Variants in ADGRL1 observed in about 807,000 individuals in gnomAD.
The protein encoded by ADGRL1 is CIRL-1.
In ADGRL1, 31 loss-of-function variants were observed where a neutral mutation model predicts 148.9. The observed-to-expected ratio is 0.21, with a 90% CI of 0.16 to 0.28. The LOEUF is 0.28. Among genes scored for constraint, ADGRL1 ranks in the 10% least tolerant of loss-of-function variants. The probability of loss-of-function intolerance (pLI) is 1.00; values close to 1 mark genes in which losing one functional copy is unlikely to be tolerated. For synonymous variants in ADGRL1, 937 were observed against 900.3 expected (o/e 1.04, Z -0.73); for missense variants, 1,521 against 2,058.8 (o/e 0.74, Z 5.05).
At position 14,151,140 on chromosome 19, in the gene ADGRL1, G is replaced by A. The variant is rs752456011; in HGVS notation, c.4143C>T (p.Ala1381=). Residue 1381 remains alanine, a synonymous_variant, in exon 23 of 23, where the codon GCC becomes GCT. Transcript: ENST00000361434. ...GTGAGTCCCGCAGGTTGGCCCCGCT[G>A]GCATAGAGGGAGTCCCGGCCAGGAG... ...SSPPGRDSLY[A]SGANLRDSPS... 3.8e-6 allele frequency: 6 copies of A among 1,597,738 alleles called. No homozygotes were observed. The highest frequency in any genetic ancestry group is 5.1e-6 in the Non-Finnish European group (6 of 1,173,762).
chr19:14,150,964 C>T lies in ADGRL1; in HGVS notation c.4319G>A (p.Arg1440His), dbSNP rs766671412. The change falls in exon 23 of 23, where the codon CGT (arginine) becomes CAT (histidine). Residue 1440 changes from arginine to histidine, a missense_variant. By Grantham distance (29) the Arg-to-His change is conservative. This residue lies in a region of ADGRL1 where 390 missense variants were observed against 375.0 expected (regional missense o/e 1.04). Transcript: ENST00000361434. ...NPLQGYYQVR[R>H]PSHEGYLAAP... ...TGCCAGGTAGCCCTCGTGGCTAGGACGCCGCACCTGGTAGTAGCCCTGCAG... is the reference window on the plus strand; with the variant it reads ...TGCCAGGTAGCCCTCGTGGCTAGGATGCCGCACCTGGTAGTAGCCCTGCAG... 4.4e-6 allele frequency: 7 copies of T among 1,604,442 alleles called. No homozygotes were observed. Among genetic ancestry groups the T allele is most frequent in the Non-Finnish European group, 5.1e-6 (6 of 1,176,460 alleles).
chr19:14,199,719 G>A (rs1026595951), intron 1 of ADGRL1, among the ~76,000 whole-genome samples: 6 of 151,926 alleles, frequency 3.9e-5, no homozygotes, highest in African/African-American at 1.5e-4. Flanking sequence ...GTGCCCGGCT[G>A]TTGCAATTTT....
chr19:14,161,671 A>G lies in ADGRL1; in HGVS notation c.1196-45T>C, dbSNP rs1425300685. On this transcript the variant is annotated intron_variant, in intron 5 of 22. Transcript: ENST00000361434. This position sits in a 1 kb window ranked among gnomAD's most constrained non-coding sequence, Gnocchi z 4.4. ...CAGGGTCATCCCCATGCTCAGGGCC[A>G]TGCCACAGTGTGCTTGGGCAGGGGG... The G allele has an allele frequency of 1.5e-6, 2 of 1,297,118 alleles. No individual in the cohort carries two copies. Among genetic ancestry groups the G allele is most frequent in the Admixed American group, 3.6e-5 (1 of 27,766 alleles). The allele number at this position is 1,297,118 out of a possible 1,614,324, so 80.4% of individuals were successfully genotyped here.
chr19:14,172,537 TGA>T (rs1392625087), intron 3 of ADGRL1, among the ~76,000 whole-genome samples: 1 of 151,656 alleles, frequency 6.6e-6, no homozygotes, highest in Non-Finnish European at 1.5e-5. Context: ...GCCAGGAGCT[TGA>T]GAGCAGCCTG....
At position 14,206,077 on chromosome 19, in the gene ADGRL1, G is replaced by A. The variant is rs2145218986; in HGVS notation, c.-188C>T. On this transcript the variant is annotated 5_prime_UTR_variant, in exon 1 of 23. Transcript: ENST00000361434. ...GCCCGGCACATCTCCCGGAGCCGGG[G>A]CTGGGGGGAAGCGGGTAGGAGGTGG... is the stretch of plus-strand genomic sequence containing the variant. 1 of 152,034 alleles carries A rather than the reference G, an allele frequency of 6.6e-6. No individual in the cohort carries two copies. Among genetic ancestry groups the A allele is most frequent in the East Asian group, 2.0e-4 (1 of 5,122 alleles). 9.4% of individuals were successfully genotyped at this position (152,034 alleles called of 1,614,324 possible). A position where few individuals can be genotyped will look rare whatever the true frequency, so the allele number is the denominator to read the frequency against.
intron 3 of ADGRL1, chr19:14,171,413 C>G (rs192454363): frequency 1.3e-5 from 2 of 152,922 alleles, no homozygotes; most frequent in East Asian, 3.9e-4. Flanking sequence ...CAGCATCATC[C>G]TCAGGGCTAA....
chr19:14,151,290 G>C lies in ADGRL1; in HGVS notation c.3993C>G (p.Leu1331=), dbSNP rs934944205. The C allele has an allele frequency of 1.2e-6, 2 of 1,611,252 alleles. No individual in the cohort carries two copies. The highest frequency in any genetic ancestry group is 1.7e-6 in the Non-Finnish European group (2 of 1,179,412). ...GCAGAGGCTCCTCCAGGGCCTTATA[G>C]AGAAGTTCAATCTCGGCCCGGTCAG... ...GGADRAEIEL[L]YKALEEPLLL... Residue 1331 remains leucine (L), a synonymous_variant, in exon 23 of 23, where the codon CTC becomes CTG. Coordinates refer to ENST00000361434, the MANE Select transcript of ADGRL1 (RefSeq NM_014921.5).
intron 16 of ADGRL1, 81 bp downstream of exon 16, chr19:14,156,577 G>A (rs1968781174): frequency 1.1e-6 from 1 of 877,182 alleles, no homozygotes; most frequent in African/African-American, 1.8e-5. Flanking sequence ...GGGGGGGGTG[G>A]GGGGCGGGGG....
At position 14,152,008 on chromosome 19, in the gene ADGRL1, G is replaced by A. The variant is rs1968251439; in HGVS notation, c.3667+125C>T. The A allele has an allele frequency of 6.9e-6, 6 of 873,652 alleles. No homozygotes were observed. The highest frequency in any genetic ancestry group is 1.7e-5 in the African/African-American group (1 of 60,510). 54.1% of individuals were successfully genotyped at this position (873,652 alleles called of 1,614,324 possible). A position where few individuals can be genotyped will look rare whatever the true frequency, so the allele number is the denominator to read the frequency against. On this transcript the variant is annotated intron_variant, in intron 22 of 22. Coordinates refer to ENST00000361434, the MANE Select transcript of ADGRL1 (RefSeq NM_014921.5). The surrounding 1 kb of genome is among the most constrained non-coding windows in gnomAD (Gnocchi z 6.1). ...CGGCTGCCAGAGGCTGTGTGTCGGG[G>A]GGTGGGGAAATGTGGGCATGGGGAG...
Position 14,151,126 on chromosome 19 carries a change from A to G in ADGRL1, c.4157T>C (p.Leu1386Pro), listed in dbSNP as rs893731450. The part of the protein sequence containing the change: ...RDSLYASGAN[L>P]RDSPSYPDSS... ...GTCCGGGTAGGAGGGTGAGTCCCGC[A>G]GGTTGGCCCCGCTGGCATAGAGGGA... The change falls in exon 23 of 23, where the codon CTG becomes CCG. Residue 1386 changes from leucine to proline, a missense_variant. Leu to Pro is a moderately conservative substitution (Grantham distance 98, BLOSUM62 -3). Around this residue, in one of 8 missense-constraint regions of ADGRL1, gnomAD observed 390 missense variants for 375.0 expected, o/e 1.04. Coordinates refer to ENST00000361434, the MANE Select transcript of ADGRL1 (RefSeq NM_014921.5). 64 of 1,582,418 alleles carry G rather than the reference A, an allele frequency of 4.0e-5. No individual in the cohort carries two copies. Among genetic ancestry groups the G allele is most frequent in the Non-Finnish European group, 5.2e-5 (61 of 1,166,650 alleles).
rs961890311 is a variant in ADGRL1, at chr19:14,148,677, A to C, written c.*2196T>G. 1.3e-5 allele frequency: 2 copies of C among 152,658 alleles called. No individual in the cohort carries two copies. The highest frequency in any genetic ancestry group is 2.9e-5 in the Non-Finnish European group (2 of 68,090). The allele number at this position is 152,658 out of a possible 1,614,324, so 9.5% of individuals were successfully genotyped here. A position where few individuals can be genotyped will look rare whatever the true frequency, so the allele number is the denominator to read the frequency against. On this transcript the variant is annotated 3_prime_UTR_variant, in exon 23 of 23. Coordinates refer to ENST00000361434, the MANE Select transcript of ADGRL1 (RefSeq NM_014921.5). ...CACTTCTCCTCCCCATCTAGACTTC[A>C]CCCATGGTCTTCTGGTGTAATGGGT...
In ADGRL1 at chr19:14,151,540, G is replaced by T. The variant is rs762161445; in HGVS notation, c.3743C>A (p.Ser1248Tyr). ...PLNGNFNNSY[S>Y]LRSGDFPPGD... ...GGGAGGGAAATCCCCACTTCGCAAG[G>T]AGTAACTGTTATTGAAGTTGCCGTT... The change falls in exon 23 of 23, where the codon TCC (serine) becomes TAC (tyrosine). Residue 1248 changes from serine (S) to tyrosine (Y), a missense_variant. Ser to Tyr is a moderately radical substitution (Grantham distance 144). This residue lies in a region of ADGRL1 where 390 missense variants were observed against 375.0 expected (regional missense o/e 1.04). Coordinates refer to ENST00000361434, the MANE Select transcript of ADGRL1 (RefSeq NM_014921.5). 6.2e-7 allele frequency: 1 copy of T among 1,611,736 alleles called. No individual in the cohort carries two copies. Among genetic ancestry groups the T allele is most frequent in the East Asian group, 2.2e-5 (1 of 44,884 alleles).
intron 1 of ADGRL1, among the ~76,000 whole-genome samples, chr19:14,184,615 T>TTTAC (rs1971447004): frequency 8.4e-6 from 1 of 119,528 alleles, no homozygotes; most frequent in Non-Finnish European, 1.7e-5. Flanking sequence ...ATTTTATTTA[T>TTTAC]TTATTTATTT....
intron 1 of ADGRL1, among the ~76,000 whole-genome samples, chr19:14,200,749 C>T (rs571228700): frequency 1.0e-3 from 155 of 151,854 alleles, no homozygotes; most frequent in Non-Finnish European, 1.2e-3. Context: ...GTAGCTGGGA[C>T]GACAGGCGTG....
chr19:14,152,115 G>A lies in ADGRL1; in HGVS notation c.3667+18C>T, dbSNP rs754171855. The stretch of plus-strand genomic sequence containing the variant: ...TCTCCCAGCCTCAGAAACATCCCCA[G>A]GGAAGAGTCACACTTACTGGGTTCC... On this transcript the variant is annotated intron_variant, in intron 22 of 22. Coordinates refer to ENST00000361434, the MANE Select transcript of ADGRL1 (RefSeq NM_014921.5). This position sits in a 1 kb window ranked among gnomAD's most constrained non-coding sequence, Gnocchi z 6.1. 1.2e-6 allele frequency: 2 copies of A among 1,611,426 alleles called. No homozygotes were observed. Among genetic ancestry groups the A allele is most frequent in the Non-Finnish European group, 1.7e-6 (2 of 1,177,540 alleles).
intron 3 of ADGRL1, among the ~76,000 whole-genome samples, chr19:14,176,752 T>C (rs190431394): frequency 9.2e-4 from 140 of 151,972 alleles, no homozygotes; most frequent in Non-Finnish European, 1.6e-3. Flanking sequence ...GGCAGGGGGA[T>C]TGCTTGAACC....
At chr19:14,158,909 G>A (rs553465393) in intron 11 of ADGRL1, among the ~76,000 whole-genome samples, 181 bp downstream of exon 11, 28 of 152,308 alleles carry the variant, frequency 1.8e-4, no homozygotes, top group African/African-American at 6.7e-4. Context: ...CTTTGCAACT[G>A]TAAGGCTCAC....
At chr19:14,197,870 G>A (rs1972361434) in intron 1 of ADGRL1, among the ~76,000 whole-genome samples, 1 of 152,168 alleles carries the variant, frequency 6.6e-6, no homozygotes, top group Non-Finnish European at 1.5e-5. Context: ...CCAAAAAGCA[G>A]ATCATCTATT....
chr19:14,189,227 T>A (rs1056867488), intron 1 of ADGRL1, among the ~76,000 whole-genome samples: 1 of 151,192 alleles, frequency 6.6e-6, no homozygotes, highest in African/African-American at 2.4e-5. Flanking sequence ...TTTTTTTTTT[T>A]TTTTCCCAGT....
Sources: gnomAD v4.1 joint callset for allele counts (sites outside exome capture counted in the v4.1 genomes callset) on GRCh38, gnomAD v4.1.1 for gene constraint, gnomAD v4.1.1 regional missense constraint, Gnocchi (gnomAD v3.1) non-coding constraint, MANE v1.5 for transcripts, NCBI Gene and HGNC (gene_info 2026-07-23, HGNC 2026-07-21) for gene names.